KLHL1: variants seen among roughly 807,000 people sequenced by gnomAD.
KLHL1 encodes kelch like family member 1.
A neutral mutation model predicts 77.7 loss-of-function variants in KLHL1; 47 were observed. The observed-to-expected ratio is 0.60, with a 90% CI of 0.48 to 0.77. The LOEUF (loss-of-function observed/expected upper bound fraction) is 0.77, where lower values mean the gene tolerates loss of function less well. KLHL1 is among the 30% of genes least tolerant of loss of function. KLHL1 has a pLI of 0.00. For synonymous variants in KLHL1, 360 were observed against 325.2 expected, an observed-to-expected ratio of 1.11 and a Z score of -1.15; for missense variants, 925 against 910.8, an observed-to-expected ratio of 1.02 and a Z score of -0.20.
At chr13:70,019,009 C>G (rs1261515677) in intron 1 of KLHL1, among the ~76,000 whole-genome samples, 1 of 152,156 alleles carries the variant, frequency 6.6e-6, no homozygotes, top group Non-Finnish European at 1.5e-5. Flanking sequence ...AAATTAAATA[C>G]TCACTGTATT....
chr13:69,749,162 C>A (rs898402600), intron 7 of KLHL1, among the ~76,000 whole-genome samples: 19 of 151,908 alleles, frequency 1.3e-4, no homozygotes, highest in African/African-American at 4.6e-4. Context: ...AATAATTGGA[C>A]TAGAATAATT....
chr13:70,037,041 T>C (rs1232038857), intron 1 of KLHL1, among the ~76,000 whole-genome samples: 1 of 152,008 alleles, frequency 6.6e-6, no homozygotes, highest in African/African-American at 2.4e-5. Context: ...TATTCTAGTC[T>C]GGTTTAAAAT....
intron 4 of KLHL1, among the ~76,000 whole-genome samples, chr13:69,904,505 A>G (rs1246634196): frequency 6.6e-6 from 1 of 152,198 alleles, no homozygotes; most frequent in Admixed American, 6.5e-5. Context: ...AATTGAAATT[A>G]TTCTTTATGC....
intron 7 of KLHL1, among the ~76,000 whole-genome samples, chr13:69,773,337 A>G (rs1875668158): frequency 2.6e-5 from 4 of 152,048 alleles, no homozygotes. Context: ...GAATAGTCAG[A>G]AAGTCTGATC....
chr13:69,837,548 T>G (rs2138105419), intron 6 of KLHL1, among the ~76,000 whole-genome samples: 1 of 147,110 alleles, frequency 6.8e-6, no homozygotes, highest in South Asian at 2.1e-4. Flanking sequence ...CATAAATAGG[T>G]ATATTTGTAT....
chr13:69,936,221 G>C (rs1883184576), intron 4 of KLHL1, among the ~76,000 whole-genome samples: 1 of 152,124 alleles, frequency 6.6e-6, no homozygotes, highest in South Asian at 2.1e-4. Flanking sequence ...GCAGGAATGA[G>C]AGCAATTGCA....
intron 8 of KLHL1, among the ~76,000 whole-genome samples, chr13:69,738,814 T>C (rs1378646345): frequency 6.6e-6 from 1 of 151,902 alleles, no homozygotes; most frequent in African/African-American, 2.4e-5. Flanking sequence ...CAGAACCAAG[T>C]TGGAAAACGC....
intron 1 of KLHL1, among the ~76,000 whole-genome samples, chr13:69,976,378 A>G (rs930030913): frequency 1.3e-5 from 2 of 152,100 alleles, no homozygotes; most frequent in Non-Finnish European, 2.9e-5. Context: ...TTAACTCAGT[A>G]CTTATAATAA....
At chr13:70,099,621 A>G (rs1320149813) in intron 1 of KLHL1, among the ~76,000 whole-genome samples, 3 of 152,050 alleles carry the variant, frequency 2.0e-5, no homozygotes, top group African/African-American at 7.2e-5. Flanking sequence ...AGTAAGGATA[A>G]TAAATACAAT....
chr13:69,850,637 A>T (rs1593886536), intron 5 of KLHL1, among the ~76,000 whole-genome samples: 1 of 151,824 alleles, frequency 6.6e-6, no homozygotes, highest in East Asian at 1.9e-4. Flanking sequence ...CATCACTTAA[A>T]TTCTTATCTT....
At chr13:69,961,556 G>A (rs1357312165) in intron 2 of KLHL1, 112 bp from the exon 3 acceptor site, 2 of 1,147,548 alleles carry the variant, frequency 1.7e-6, no homozygotes, top group East Asian at 2.5e-5. Flanking sequence ...ATCAATTAAT[G>A]CATTTTATTT....
intron 4 of KLHL1, among the ~76,000 whole-genome samples, chr13:69,890,422 T>C (rs1345003049): frequency 6.6e-6 from 1 of 151,920 alleles, no homozygotes; most frequent in African/African-American, 2.4e-5. Context: ...CATACACTTT[T>C]ACTGTGCACT....
At chr13:69,812,207 GC>G (rs1877912515) in intron 6 of KLHL1, among the ~76,000 whole-genome samples, 2 of 152,142 alleles carry the variant, frequency 1.3e-5, no homozygotes, top group Non-Finnish European at 2.9e-5. Flanking sequence ...ATGCAATTGA[GC>G]GGTTCTGAGT....
intron 1 of KLHL1, among the ~76,000 whole-genome samples, chr13:69,994,154 C>A (rs189908423): frequency 6.6e-6 from 1 of 151,988 alleles, no homozygotes. Flanking sequence ...CTAGTAGCAT[C>A]GGGACAAGCA....
chr13:69,929,735 A>AT (rs1282953637), intron 4 of KLHL1, among the ~76,000 whole-genome samples: 1 of 151,864 alleles, frequency 6.6e-6, no homozygotes, highest in Non-Finnish European at 1.5e-5. Context: ...TATTAGTCAT[A>AT]TTTTTGGGTT....
chr13:69,911,634 C>T (rs1313258351), intron 4 of KLHL1, among the ~76,000 whole-genome samples: 1 of 151,320 alleles, frequency 6.6e-6, no homozygotes, highest in Middle Eastern at 3.2e-3. Flanking sequence ...TCAGTTCTAC[C>T]ATTTCCTAGT....
rs181459806 is a variant in KLHL1, at chr13:69,877,667, T to C, written c.1227+4616A>G. On this transcript the variant is annotated intron_variant, in intron 5 of 10. Coordinates refer to ENST00000377844, the MANE Select transcript of KLHL1 (RefSeq NM_020866.3). Reference sequence around the variant, plus strand: ...AGTTATCTATCACTATCATTTTCCCTTTTTCTCTGGTCTATAGCAAAGTAA... The same window carrying C: ...AGTTATCTATCACTATCATTTTCCCCTTTTCTCTGGTCTATAGCAAAGTAA... 5.3e-3 allele frequency among the ~76,000 whole-genome samples: 806 copies of C among 152,242 alleles called. 11 individuals are homozygous for C. The highest frequency in any genetic ancestry group is 0.018 in the African/African-American group (745 of 41,546).
intron 4 of KLHL1, among the ~76,000 whole-genome samples, chr13:69,892,592 A>T (rs1274195611): frequency 1.3e-5 from 2 of 151,360 alleles, no homozygotes; most frequent in East Asian, 3.9e-4. Context: ...AAAAGTTTAT[A>T]CCCTAACTTC....
chr13:69,860,937 A>T (rs767274122), intron 5 of KLHL1, among the ~76,000 whole-genome samples: 3 of 152,034 alleles, frequency 2.0e-5, no homozygotes, highest in Non-Finnish European at 4.4e-5. Context: ...TTTCCATGTA[A>T]AATATTCATA....
Sources: allele counts gnomAD v4.1 joint callset (sites outside exome capture counted in the v4.1 genomes callset), GRCh38; gene constraint gnomAD v4.1.1; transcripts MANE v1.5; gene names NCBI Gene and HGNC (gene_info 2026-07-23, HGNC 2026-07-21).